BRSK2: variants seen among roughly 807,000 people sequenced by gnomAD.
BRSK2 encodes serine/threonine-protein kinase BRSK2.
In BRSK2, 19 loss-of-function variants were observed where a neutral mutation model predicts 83.3. The observed-to-expected ratio is 0.23, with a 90% confidence interval of 0.16 to 0.33. The LOEUF (loss-of-function observed/expected upper bound fraction) is 0.33. Among genes scored for constraint, BRSK2 ranks in the 10% least tolerant of loss-of-function variants. The pLI, the probability that BRSK2 is intolerant of heterozygous loss-of-function variation, is 1.00. For synonymous variants in BRSK2, 519 were observed against 435.4 expected (o/e 1.19, Z -2.39); for missense variants, 798 against 1,042.3 (o/e 0.77, Z 3.23).
At chr11:1,450,236 G>T (rs1372454418) in intron 13 of BRSK2, among the ~76,000 whole-genome samples, 3 of 151,580 alleles carry the variant, frequency 2.0e-5, no homozygotes, top group African/African-American at 7.3e-5. Context: ...TAGGAAGCTT[G>T]TCCTGCCCCC....
At chr11:1,443,675 G>A (rs781297585) in intron 8 of BRSK2, 40 bp downstream of exon 8, 28 of 1,363,216 alleles carry the variant, frequency 2.1e-5, no homozygotes, top group South Asian at 1.3e-4. Flanking sequence ...GAGCGTGGCG[G>A]GGGGGCGCGG....
chr11:1,424,759 G>GT (rs1842241547), intron 1 of BRSK2, among the ~76,000 whole-genome samples: 1 of 151,962 alleles, frequency 6.6e-6, no homozygotes, highest in South Asian at 2.1e-4. Context: ...GCAGGGCCCT[G>GT]TGGAGCCTGC....
At chr11:1,435,955 G>A in intron 1 of BRSK2, 85 bp from the exon 2 acceptor site, 3 of 1,006,782 alleles carry the variant, frequency 3.0e-6, no homozygotes, top group Admixed American at 4.7e-5. Flanking sequence ...GGACGTGGGA[G>A]GAGGCCCCCA....
At chr11:1,445,094 C>T in intron 9 of BRSK2, 92 bp downstream of exon 9, 2 of 1,544,682 alleles carry the variant, frequency 1.3e-6, no homozygotes, top group Non-Finnish European at 1.8e-6. Flanking sequence ...GGCGCCGGCC[C>T]AGCGCAGGTC....
At chr11:1,450,509 C>A in intron 13 of BRSK2, 78 bp from the exon 14 acceptor site, 1 of 697,710 alleles carries the variant, frequency 1.4e-6, no homozygotes. Flanking sequence ...ACCCCTGGGC[C>A]CGCCTGCCCT....
intron 3 of BRSK2, among the ~76,000 whole-genome samples, chr11:1,440,507 G>T (rs908407236): frequency 6.6e-6 from 1 of 152,186 alleles, no homozygotes; most frequent in African/African-American, 2.4e-5. Flanking sequence ...CCTCCCTGGC[G>T]GCTGTGCCCC....
At position 1,442,715 on chromosome 11, in the gene BRSK2, C is replaced by T. The variant is rs1851510874; in HGVS notation, c.530+109C>T. 3.5e-6 allele frequency: 3 copies of T among 867,604 alleles called. No individual in the cohort carries two copies. In the East Asian group the frequency reaches 8.0e-5, roughly 23 times the overall value. 53.7% of individuals were successfully genotyped at this position (867,604 alleles called of 1,614,324 possible). ...CCTGCCTGAGCCTCCCGGCACCCCACAGGCAGGCCCCCCACAATGTGCCTG... is the reference window on the plus strand; with the variant it reads ...CCTGCCTGAGCCTCCCGGCACCCCATAGGCAGGCCCCCCACAATGTGCCTG... On this transcript the variant is annotated intron_variant, in intron 5 of 19. Coordinates refer to ENST00000528841, the MANE Select transcript of BRSK2 (RefSeq NM_001256627.2).
rs756009941 is a variant in BRSK2, at chr11:1,456,540, C to A, written c.1849+12C>A. The A allele has an allele frequency of 1.1e-5, 17 of 1,590,804 alleles. No homozygotes were observed. The Admixed American group carries it at 2.8e-4, about 27-fold the overall frequency. ...CACCCTGCTCTCAGGTGAGCTGGCG[C>A]CCCCAGGGCGGCTCCGGGCCCAGGC... On this transcript the variant is annotated intron_variant, in intron 17 of 19. Coordinates refer to ENST00000528841, the MANE Select transcript of BRSK2 (RefSeq NM_001256627.2).
chr11:1,436,751 G>A (rs1235666320), intron 2 of BRSK2, among the ~76,000 whole-genome samples: 1 of 152,058 alleles, frequency 6.6e-6, no homozygotes, highest in Non-Finnish European at 1.5e-5. Flanking sequence ...GGCTGGCAGC[G>A]TGCGACCCTC....
chr11:1,411,142 T>C, intron 1 of BRSK2: 2 of 1,217,732 alleles, frequency 1.6e-6, no homozygotes, highest in Non-Finnish European at 2.0e-6. Flanking sequence ...GGGCCTAGGG[T>C]GGGGGCTCCA....
At chr11:1,443,857 A>G (rs1479723713) in intron 8 of BRSK2, among the ~76,000 whole-genome samples, 1 of 150,708 alleles carries the variant, frequency 6.6e-6, no homozygotes, top group African/African-American at 2.4e-5. Flanking sequence ...TGAGTGTTCA[A>G]GTGTGTGTGC....
In BRSK2 at chr11:1,440,896, T is replaced by C; in HGVS notation, c.381T>C (p.Ser127=). 2 of 1,609,434 alleles carry C rather than the reference T, an allele frequency of 1.2e-6. No homozygotes were observed. The highest frequency in any genetic ancestry group is 1.7e-6 in the Non-Finnish European group (2 of 1,178,696). ...EARKFFRQII[S]ALDFCHSHSI... ...GGAAGTTCTTCCGGCAGATCATCTC[T>C]GCGCTGGACTTCTGCCACAGCCACT... The change falls in exon 4 of 20, where the codon TCT becomes TCC. Residue 127 remains serine (S), a synonymous_variant. Transcript: ENST00000528841.
At chr11:1,449,158 G>A (rs534589356) in intron 12 of BRSK2, among the ~76,000 whole-genome samples, 12 of 152,340 alleles carry the variant, frequency 7.9e-5, no homozygotes, top group Admixed American at 3.3e-4. Flanking sequence ...CGGGCACGCC[G>A]GGCCAGGGCC....
At chr11:1,392,093 C>T (rs73407480) in intron 1 of BRSK2, among the ~76,000 whole-genome samples, 13,810 of 152,226 alleles carry the variant, frequency 0.091, 1,971 homozygotes, top group African/African-American at 0.31. Flanking sequence ...ACCGGGAGGG[C>T]CCTGGAGAAG....
chr11:1,401,165 C>A (rs997705602), intron 1 of BRSK2, among the ~76,000 whole-genome samples: 1 of 152,212 alleles, frequency 6.6e-6, no homozygotes, highest in Non-Finnish European at 1.5e-5. Flanking sequence ...GCCCACTCCG[C>A]AGGCCTCTAG....
At chr11:1,442,690 C>G (rs1352877131) in intron 5 of BRSK2, 84 bp downstream of exon 5, 30 of 1,116,342 alleles carry the variant, frequency 2.7e-5, no homozygotes, top group Non-Finnish European at 3.5e-5. Context: ...AGGCCCCCAG[C>G]CTGCCTGAGC....
intron 1 of BRSK2, among the ~76,000 whole-genome samples, chr11:1,426,725 C>G (rs1849274057): frequency 6.6e-6 from 1 of 152,106 alleles, no homozygotes; most frequent in African/African-American, 2.4e-5. Context: ...GTGGGGGCAA[C>G]AGATGGGCCA....
chr11:1,407,807 A>T (rs1847001303), intron 1 of BRSK2, among the ~76,000 whole-genome samples: 1 of 152,188 alleles, frequency 6.6e-6, no homozygotes, highest in Non-Finnish European at 1.5e-5. Flanking sequence ...GGCAGGTGCC[A>T]CCTCCAGGAG....
chr11:1,443,666 A>G, intron 8 of BRSK2, 31 bp downstream of exon 8: 2 of 1,451,146 alleles, frequency 1.4e-6, no homozygotes, highest in South Asian at 1.2e-5. Context: ...GCGGCCCCAG[A>G]GCGTGGCGGG....
Sources: gnomAD v4.1 joint callset for allele counts (sites outside exome capture counted in the v4.1 genomes callset) on GRCh38, gnomAD v4.1.1 for gene constraint, MANE v1.5 for transcripts, NCBI Gene and HGNC (gene_info 2026-07-23, HGNC 2026-07-21) for gene names.